TENM2: variants seen among roughly 807,000 people sequenced by gnomAD.
TENM2 encodes the protein teneurin-2.
In TENM2, 52 loss-of-function variants were observed where a neutral mutation model predicts 245.2. The observed-to-expected ratio is 0.21, with a 90% CI of 0.17 to 0.27. The LOEUF (loss-of-function observed/expected upper bound fraction) is 0.27, where lower values mean the gene tolerates loss of function less well. Among genes scored for constraint, TENM2 ranks in the 10% least tolerant of loss-of-function variants. TENM2 has a pLI of 1.00. For synonymous variants in TENM2, 1,363 were observed against 1,438.9 expected, an observed-to-expected ratio of 0.95 and a Z score of 1.19; for missense variants, 3,046 against 3,666.8, an observed-to-expected ratio of 0.83 and a Z score of 4.37.
In TENM2 at chr5:168,078,109, T is replaced by A. The variant is rs191606113; in HGVS notation, c.1516-12465T>A. 3.3e-5 allele frequency among the ~76,000 whole-genome samples: 5 copies of A among 152,344 alleles called. No homozygotes were observed. The East Asian group carries it at 9.6e-4, about 29-fold the overall frequency. ...CACCCGTTGTTTCCTGATTTTTTAA[T>A]GATCGCCATTCTAACTGGTATGAGA... On this transcript the variant is annotated intron_variant, in intron 7 of 28. Coordinates refer to ENST00000518659, the Ensembl canonical transcript of TENM2.
chr5:167,381,644 G>A (rs540139947), intron 2 of TENM2, among the ~76,000 whole-genome samples: 1 of 152,260 alleles, frequency 6.6e-6, no homozygotes, highest in African/African-American at 2.4e-5. Flanking sequence ...TAGATTCCAT[G>A]TCTTTGAGGT....
chr5:167,640,275 C>T (rs1779469751), intron 2 of TENM2, among the ~76,000 whole-genome samples: 1 of 152,062 alleles, frequency 6.6e-6, no homozygotes, highest in Non-Finnish European at 1.5e-5. Flanking sequence ...CTAGCTGTGC[C>T]CCACCAGGCA....
At chr5:168,004,910 T>C (rs548374987) in intron 5 of TENM2, among the ~76,000 whole-genome samples, 64 of 152,296 alleles carry the variant, frequency 4.2e-4, no homozygotes, top group African/African-American at 1.5e-3. Flanking sequence ...CTTACCAGTC[T>C]GTGGATCTGT....
At chr5:167,975,003 G>A (rs1014060167) in intron 4 of TENM2, among the ~76,000 whole-genome samples, 4 of 152,232 alleles carry the variant, frequency 2.6e-5, no homozygotes, top group African/African-American at 9.7e-5. Context: ...CAAGATGTCT[G>A]GAAAGGCAGC....
chr5:167,304,531 A>G (rs1755550454), intron 1 of TENM2, among the ~76,000 whole-genome samples: 1 of 152,230 alleles, frequency 6.6e-6, no homozygotes, highest in Non-Finnish European at 1.5e-5. Context: ...GAAATGGTAG[A>G]TTTAAAAAGA....
At chr5:168,013,166 C>T (rs1785381053) in intron 5 of TENM2, among the ~76,000 whole-genome samples, 1 of 152,112 alleles carries the variant, frequency 6.6e-6, no homozygotes, top group African/African-American at 2.4e-5. Context: ...TTAATCAGAA[C>T]TGTGTTATAT....
At chr5:167,429,403 CCTGCTACAGGTG>C (rs1450083556) in intron 2 of TENM2, among the ~76,000 whole-genome samples, 1 of 152,086 alleles carries the variant, frequency 6.6e-6, no homozygotes, top group Non-Finnish European at 1.5e-5. Context: ...TGTGCCAGGC[CCTGCTACAGGTG>C]CTGCAGACAT....
chr5:167,664,782 G>A (rs978979234), intron 2 of TENM2, among the ~76,000 whole-genome samples: 1 of 152,180 alleles, frequency 6.6e-6, no homozygotes, highest in Non-Finnish European at 1.5e-5. Flanking sequence ...AGGGACATTG[G>A]TGTGACATGA....
At chr5:167,380,819 A>G (rs1761058634) in intron 2 of TENM2, among the ~76,000 whole-genome samples, 1 of 152,182 alleles carries the variant, frequency 6.6e-6, no homozygotes, top group Non-Finnish European at 1.5e-5. Context: ...AATGGTAAGA[A>G]GCAAAATGTT....
intron 12 of TENM2, among the ~76,000 whole-genome samples, chr5:168,137,900 T>G (rs1755197345): frequency 6.6e-6 from 1 of 152,118 alleles, no homozygotes. Flanking sequence ...TCCCTGGAGG[T>G]CTGATACAGG....
intron 2 of TENM2, among the ~76,000 whole-genome samples, chr5:167,431,970 T>TATAC (rs1764278412): frequency 1.5e-5 from 2 of 135,530 alleles, no homozygotes; most frequent in African/African-American, 5.7e-5. Context: ...TGTATATATA[T>TATAC]ATATATATGG....
Position 168,007,680 on chromosome 5 carries a change from G to A in TENM2, c.1186+14498G>A, listed in dbSNP as rs548847837. ...CCTTTCTTGACACACTGAAACGAAC[G>A]ACTCACTGAAAATATCTACTTCAAG... On this transcript the variant is annotated intron_variant, in intron 5 of 28. Coordinates refer to ENST00000518659, the Ensembl canonical transcript of TENM2. Among the ~76,000 whole-genome samples, 14 of 152,260 alleles carry A rather than the reference G, an allele frequency of 9.2e-5. No individual in the cohort carries two copies. The South Asian group carries it at 2.1e-3, about 23-fold the overall frequency.
intron 2 of TENM2, among the ~76,000 whole-genome samples, chr5:167,540,797 T>G (rs879935503): frequency 3.9e-5 from 6 of 152,208 alleles, no homozygotes; most frequent in Non-Finnish European, 5.9e-5. Context: ...ATTATGAATC[T>G]CTTCATAGAT....
the TENM2 span, among the ~76,000 whole-genome samples, chr5:167,073,678 C>A: frequency 6.6e-6 from 1 of 152,136 alleles, no homozygotes; most frequent in Non-Finnish European, 1.5e-5. Context: ...CCACATTTTT[C>A]TTATTTGCTA....
intron 2 of TENM2, among the ~76,000 whole-genome samples, chr5:167,649,379 C>A (rs1318495597): frequency 6.6e-6 from 1 of 152,156 alleles, no homozygotes; most frequent in Non-Finnish European, 1.5e-5. Context: ...ATTCTTTTCT[C>A]TTCCAAACAA....
At chr5:167,054,897 A>G in the TENM2 span, among the ~76,000 whole-genome samples, 2 of 151,704 alleles carry the variant, frequency 1.3e-5, no homozygotes, top group African/African-American at 4.8e-5. Flanking sequence ...TTTATTGTTG[A>G]GTTTTAAGGG....
chr5:168,034,157 A>ACATATG (rs1562077801), intron 5 of TENM2, among the ~76,000 whole-genome samples: 16 of 103,798 alleles, frequency 1.5e-4, no homozygotes, highest in South Asian at 5.7e-4. Flanking sequence ...ATGTGTATAT[A>ACATATG]TATATGTATA....
the TENM2 span, among the ~76,000 whole-genome samples, chr5:167,082,199 C>T: frequency 1.3e-5 from 2 of 152,118 alleles, no homozygotes; most frequent in South Asian, 4.2e-4. Flanking sequence ...ACCAGAAGAG[C>T]GAAATGCATA....
the TENM2 span, among the ~76,000 whole-genome samples, chr5:167,224,191 C>G: frequency 6.6e-5 from 10 of 151,976 alleles, no homozygotes; most frequent in Admixed American, 5.2e-4. Flanking sequence ...AGCTTTCTAG[C>G]TGAATATAGT....
Sources: gnomAD v4.1 joint callset for allele counts (sites outside exome capture counted in the v4.1 genomes callset) on GRCh38, gnomAD v4.1.1 for gene constraint, MANE v1.5 for transcripts, NCBI Gene and HGNC (gene_info 2026-07-23, HGNC 2026-07-21) for gene names.